Variants in ACKR5 observed in about 807,000 individuals in gnomAD.
ACKR5 encodes the protein atypical chemokine receptor 5.
chr12:56,995,943 T>C, the ACKR5 span: 1 of 1,612,514 alleles, frequency 6.2e-7, no homozygotes, highest in Middle Eastern at 1.7e-4. The surrounding 1 kb of genome is among the most constrained non-coding windows in gnomAD (Gnocchi z 4.7). Flanking sequence ...GCCTGCCGGC[T>C]GCGGCAGCCA....
chr12:56,995,957 C>T, the ACKR5 span: 3 of 1,612,272 alleles, frequency 1.9e-6, no homozygotes, highest in South Asian at 2.2e-5. This position sits in a 1 kb window ranked among gnomAD's most constrained non-coding sequence, Gnocchi z 4.7. Context: ...GCAGCCAGGA[C>T]AACCCAAGAG....
At chr12:56,995,543 G>GA in the ACKR5 span, 1 of 1,614,124 alleles carries the variant, frequency 6.2e-7, no homozygotes, top group Non-Finnish European at 8.5e-7. This position sits in a 1 kb window ranked among gnomAD's most constrained non-coding sequence, Gnocchi z 4.7. Context: ...GTGGATGCTG[G>GA]AGGTCACGCT....
chr12:56,996,246 C>T, the ACKR5 span: 20 of 1,613,984 alleles, frequency 1.2e-5, no homozygotes, highest in Admixed American at 8.3e-5. Context: ...CAGACCAAGG[C>T]GGGCACATGC....
chr12:56,996,104 TA>T, the ACKR5 span: 1 of 1,613,822 alleles, frequency 6.2e-7, no homozygotes, highest in East Asian at 2.2e-5. Flanking sequence ...CCACCTGCTC[TA>T]CTTCTTCTAT....
the ACKR5 span, chr12:56,995,618 A>G: frequency 6.2e-7 from 1 of 1,614,104 alleles, no homozygotes; most frequent in East Asian, 2.2e-5. This position sits in a 1 kb window ranked among gnomAD's most constrained non-coding sequence, Gnocchi z 4.7. Context: ...CTTTGTCAAC[A>G]TGTATAGCAG....
At chr12:56,995,855 C>CT in the ACKR5 span, 1 of 1,613,316 alleles carries the variant, frequency 6.2e-7, no homozygotes, top group Non-Finnish European at 8.5e-7. The surrounding 1 kb of genome is among the most constrained non-coding windows in gnomAD (Gnocchi z 4.7). Flanking sequence ...CACCTGGGCC[C>CT]TGGCGGTGGC....
the ACKR5 span, chr12:56,995,689 C>G: frequency 6.8e-6 from 11 of 1,613,906 alleles, no homozygotes; most frequent in African/African-American, 1.3e-5. The surrounding 1 kb of genome is among the most constrained non-coding windows in gnomAD (Gnocchi z 4.7). Flanking sequence ...GCGCCTCCCC[C>G]TCCTGGCAGC....
the ACKR5 span, chr12:56,996,387 C>G: frequency 6.3e-7 from 1 of 1,599,344 alleles, no homozygotes; most frequent in South Asian, 1.1e-5. Flanking sequence ...CCAAATACTT[C>G]CCCCATCTCT....
chr12:56,996,040 C>A, the ACKR5 span: 1 of 1,611,112 alleles, frequency 6.2e-7, no homozygotes, highest in East Asian at 2.2e-5. Flanking sequence ...ATCATGTGAC[C>A]CTGCTGCTGC....
the ACKR5 span, chr12:56,995,367 G>T: frequency 6.2e-7 from 1 of 1,614,204 alleles, no homozygotes; most frequent in South Asian, 1.1e-5. This position sits in a 1 kb window ranked among gnomAD's most constrained non-coding sequence, Gnocchi z 4.7. Context: ...AGCACCAAGC[G>T]CGTGGTCCTC....
the ACKR5 span, chr12:56,995,317 C>T: frequency 6.2e-7 from 1 of 1,614,216 alleles, no homozygotes; most frequent in Non-Finnish European, 8.5e-7. This position sits in a 1 kb window ranked among gnomAD's most constrained non-coding sequence, Gnocchi z 4.7. Context: ...TTGACCTCTT[C>T]AACCACACTT....
chr12:56,995,312 C>T, the ACKR5 span: 1 of 1,614,224 alleles, frequency 6.2e-7, no homozygotes. This position sits in a 1 kb window ranked among gnomAD's most constrained non-coding sequence, Gnocchi z 4.7. Flanking sequence ...GCTGCTTGAC[C>T]TCTTCAACCA....
the ACKR5 span, chr12:56,995,473 G>A: frequency 6.2e-7 from 1 of 1,614,186 alleles, no homozygotes; most frequent in Non-Finnish European, 8.5e-7. This position sits in a 1 kb window ranked among gnomAD's most constrained non-coding sequence, Gnocchi z 4.7. Flanking sequence ...CAGGGCTGAT[G>A]AACCTCTACA....
chr12:56,996,750 T>A, the ACKR5 span: 2 of 278,966 alleles, frequency 7.2e-6, no homozygotes, highest in Non-Finnish European at 1.3e-5. Flanking sequence ...GCTAAAGAGG[T>A]GCTCGGCAGA....
the ACKR5 span, chr12:56,996,975 C>T: frequency 3.9e-5 from 6 of 152,648 alleles, no homozygotes; most frequent in South Asian, 2.1e-4. Flanking sequence ...TAAGTGAAGG[C>T]GGATGGGGAT....
At chr12:56,995,201 C>A in the ACKR5 span, 2 of 1,608,922 alleles carry the variant, frequency 1.2e-6, no homozygotes, top group South Asian at 1.1e-5. This position sits in a 1 kb window ranked among gnomAD's most constrained non-coding sequence, Gnocchi z 4.7. Flanking sequence ...TAGGCGTGTG[C>A]TGGTCCCAAT....
chr12:56,996,633 C>T, the ACKR5 span: 2 of 508,118 alleles, frequency 3.9e-6, no homozygotes, highest in East Asian at 3.1e-5. Context: ...GTCCTTGTGT[C>T]TAAGGAGCAA....
the ACKR5 span, chr12:56,995,745 T>G: frequency 1.9e-6 from 3 of 1,613,920 alleles, no homozygotes; most frequent in Non-Finnish European, 2.5e-6. This position sits in a 1 kb window ranked among gnomAD's most constrained non-coding sequence, Gnocchi z 4.7. Flanking sequence ...GGCATCTGGG[T>G]CCTCTCGGCC....
chr12:56,996,453 A>C, the ACKR5 span: 1 of 1,536,262 alleles, frequency 6.5e-7, no homozygotes, highest in Non-Finnish European at 8.7e-7. Flanking sequence ...CCAACAGTGA[A>C]GGAAAAGGCA....
Sources: gnomAD v4.1 joint callset for allele counts on GRCh38, gnomAD v4.1.1 for gene constraint, Gnocchi (gnomAD v3.1) non-coding constraint, MANE v1.5 for transcripts, NCBI Gene and HGNC (gene_info 2026-07-23, HGNC 2026-07-21) for gene names.